GRM7: variants seen among roughly 807,000 people sequenced by gnomAD.
GRM7 encodes glutamate metabotropic receptor 7.
In GRM7, 35 loss-of-function variants were observed where a neutral mutation model predicts 84.5. The observed-to-expected ratio is 0.41, with a 90% CI of 0.32 to 0.55. The LOEUF is 0.55. Among genes scored for constraint, GRM7 ranks in the 20% least tolerant of loss-of-function variants. The pLI, the probability that GRM7 is intolerant of heterozygous loss-of-function variation, is 0.19. For synonymous variants in GRM7, 487 were observed against 455.1 expected (o/e 1.07, Z -0.89); for missense variants, 1,003 against 1,194.6 (o/e 0.84, Z 2.36).
intron 2 of GRM7, among the ~76,000 whole-genome samples, chr3:7,266,928 T>A (rs1698662644): frequency 6.6e-6 from 1 of 152,222 alleles, no homozygotes; most frequent in Admixed American, 6.5e-5. Context: ...CCCTTTGACT[T>A]CAGGGTTGGA....
chr3:7,040,433 G>C (rs1407722654), intron 1 of GRM7, among the ~76,000 whole-genome samples: 1 of 152,034 alleles, frequency 6.6e-6, no homozygotes, highest in Non-Finnish European at 1.5e-5. Flanking sequence ...CTTCCGAGTA[G>C]CTGGGACTAC....
At chr3:7,477,179 CATT>C (rs1454248170) in intron 7 of GRM7, among the ~76,000 whole-genome samples, 8 of 152,098 alleles carry the variant, frequency 5.3e-5, no homozygotes, top group Admixed American at 6.6e-5. Flanking sequence ...AGAGAAGAGA[CATT>C]ATTAGAGATT....
intron 1 of GRM7, among the ~76,000 whole-genome samples, chr3:7,015,297 T>C (rs1024905736): frequency 2.0e-5 from 3 of 152,144 alleles, no homozygotes; most frequent in Non-Finnish European, 4.4e-5. Flanking sequence ...ATTCTTGAAG[T>C]CCGCGAGACC....
At chr3:7,681,112 A>T (rs181854059) in intron 9 of GRM7, 1 of 152,356 alleles carries the variant, frequency 6.6e-6, no homozygotes, top group Admixed American at 6.5e-5. Context: ...TATGGTGGTA[A>T]GAGTAAATTT....
rs546325006 is a variant in GRM7 at position 7,053,701 on chromosome 3, T to C, written c.520-92751T>C. ...GTATGAAGGCTTTTTTTTTCTACCA[T>C]CTGTCTTGTTCCTTTGATCTATATG... On this transcript the variant is annotated intron_variant, in intron 1 of 9. Transcript: ENST00000357716. 1.3e-4 allele frequency among the ~76,000 whole-genome samples: 20 copies of C among 151,728 alleles called. No individual in the cohort carries two copies. The South Asian group carries it at 4.1e-3, about 31-fold the overall frequency.
intron 4 of GRM7, among the ~76,000 whole-genome samples, chr3:7,365,353 C>T (rs1194094320): frequency 2.6e-5 from 4 of 151,612 alleles, no homozygotes; most frequent in Non-Finnish European, 5.9e-5. Flanking sequence ...CTCATCTGTT[C>T]TTCAGGAAGT....
chr3:7,113,099 T>C (rs1247393309), intron 1 of GRM7, among the ~76,000 whole-genome samples: 1 of 152,176 alleles, frequency 6.6e-6, no homozygotes, highest in Non-Finnish European at 1.5e-5. Context: ...GATGAACTTT[T>C]AGTAATACCA....
chr3:7,000,131 AT>A (rs1164391738), intron 1 of GRM7, among the ~76,000 whole-genome samples: 2 of 148,216 alleles, frequency 1.3e-5, no homozygotes, highest in African/African-American at 5.0e-5. Context: ...TTTCATCAAT[AT>A]AAATGCCATG....
At chr3:7,366,496 C>T (rs998660252) in intron 4 of GRM7, among the ~76,000 whole-genome samples, 1 of 151,708 alleles carries the variant, frequency 6.6e-6, no homozygotes, top group Non-Finnish European at 1.5e-5. Context: ...ATATTAATAC[C>T]TTTAATTAAG....
At chr3:7,069,899 C>T (rs1285632651) in intron 1 of GRM7, among the ~76,000 whole-genome samples, 1 of 152,094 alleles carries the variant, frequency 6.6e-6, no homozygotes, top group East Asian at 1.9e-4. Flanking sequence ...ACTTTACACT[C>T]ATCCCAGTCA....
intron 1 of GRM7, among the ~76,000 whole-genome samples, chr3:6,947,695 T>C (rs1698141556): frequency 1.3e-5 from 2 of 152,194 alleles, no homozygotes; most frequent in African/African-American, 2.4e-5. Context: ...GGACTTTTTT[T>C]GGTTGGTAAG....
chr3:7,739,788 T>G (rs1311837077), intron 9 of GRM7, among the ~76,000 whole-genome samples: 2 of 152,204 alleles, frequency 1.3e-5, no homozygotes, highest in African/African-American at 4.8e-5. Flanking sequence ...GTCAGACACC[T>G]GACAGGTTTA....
At chr3:7,292,724 TTTA>T (rs200558773) in intron 2 of GRM7, among the ~76,000 whole-genome samples, 1 of 150,966 alleles carries the variant, frequency 6.6e-6, no homozygotes. Context: ...TTCTTTTTTT[TTTA>T]AAAAAAAAAA....
intron 7 of GRM7, among the ~76,000 whole-genome samples, chr3:7,510,358 T>C (rs1213232348): frequency 2.0e-5 from 3 of 152,164 alleles, no homozygotes; most frequent in Admixed American, 1.3e-4. Flanking sequence ...TCTGTGCCTG[T>C]TGCGGAGAAA....
At chr3:7,422,544 C>T (rs1696439936) in intron 5 of GRM7, among the ~76,000 whole-genome samples, 1 of 152,166 alleles carries the variant, frequency 6.6e-6, no homozygotes, top group Non-Finnish European at 1.5e-5. Context: ...TTTCTCCCTT[C>T]TCATCTGTCA....
At chr3:7,005,817 G>T (rs953776837) in intron 1 of GRM7, among the ~76,000 whole-genome samples, 1 of 152,098 alleles carries the variant, frequency 6.6e-6, no homozygotes, top group Admixed American at 6.6e-5. Context: ...AGGGAGTCAA[G>T]GCTGACTACC....
intron 9 of GRM7, among the ~76,000 whole-genome samples, chr3:7,737,194 A>G (rs2106531326): frequency 6.6e-6 from 1 of 152,328 alleles, no homozygotes; most frequent in South Asian, 2.1e-4. Context: ...ACAAGACATC[A>G]AGAATGAGTT....
chr3:7,282,670 C>T (rs1699295606), intron 2 of GRM7, among the ~76,000 whole-genome samples: 2 of 152,182 alleles, frequency 1.3e-5, no homozygotes, highest in Admixed American at 6.5e-5. Context: ...CAAATAGGAT[C>T]TGTGACTTAA....
intron 1 of GRM7, among the ~76,000 whole-genome samples, chr3:6,992,240 C>T (rs1694668259): frequency 6.6e-6 from 1 of 152,174 alleles, no homozygotes; most frequent in South Asian, 2.1e-4. Context: ...TCAATACACT[C>T]AATTCAACAA....
Sources: gnomAD v4.1 joint callset for allele counts (sites outside exome capture counted in the v4.1 genomes callset) on GRCh38, gnomAD v4.1.1 for gene constraint, MANE v1.5 for transcripts, NCBI Gene and HGNC (gene_info 2026-07-23, HGNC 2026-07-21) for gene names.